The following S100A9 variants were observed in gnomAD, a reference collection of about 807,000 sequenced individuals.
S100A9 encodes the protein S100 calcium binding protein A9.
In S100A9, 2 loss-of-function variants were observed where a neutral mutation model predicts 4.3. The observed-to-expected ratio is 0.47, with a 90% CI of 0.19 to 1.48. The LOEUF is 1.48. S100A9 is among the 40% of genes most tolerant of loss of function. The pLI, the probability that S100A9 is intolerant of heterozygous loss-of-function variation, is 0.24. For missense variants in S100A9, 130 were observed against 144.4 expected, an observed-to-expected ratio of 0.90 and a Z score of 0.51; for synonymous variants, 67 against 54.0, an observed-to-expected ratio of 1.24 and a Z score of -1.06.
At position 153,358,307 on chromosome 1, in the gene S100A9, G is replaced by A. The variant is rs969877652; in HGVS notation, c.24G>A (p.Leu8=). The change falls in exon 2 of 3, where the codon CTG becomes CTA. Residue 8 remains leucine (L), a synonymous_variant. Coordinates refer to ENST00000368738, the MANE Select transcript of S100A9 (RefSeq NM_002965.4). Reference sequence around the variant, plus strand: ...CGATGACTTGCAAAATGTCGCAGCTGGAACGCAACATAGAGACCATCATCA... The same window carrying A: ...CGATGACTTGCAAAATGTCGCAGCTAGAACGCAACATAGAGACCATCATCA... MTCKMSQ[L]ERNIETIINT... is the part of the protein sequence containing the mutation. 8 of 1,603,234 alleles carry A rather than the reference G, an allele frequency of 5.0e-6. No individual in the cohort carries two copies. The Admixed American group carries it at 5.1e-5, about 10-fold the overall frequency.
At position 153,358,490 on chromosome 1, in the gene S100A9, G is replaced by A. The variant is rs1571153431; in HGVS notation, c.150+57G>A. The A allele has an allele frequency of 8.0e-6, 11 of 1,380,420 alleles. No individual in the cohort carries two copies. The East Asian group carries it at 1.5e-4, about 19-fold the overall frequency. The allele number at this position is 1,380,420 out of a possible 1,614,324, so 85.5% of individuals were successfully genotyped here. ...CCTCACCGCAGTTTGGGTTGACAAG[G>A]GAGGATGGGAGTATGGGCTACAGCA... On this transcript the variant is annotated intron_variant, in intron 2 of 2. Transcript: ENST00000368738.
intron 2 of S100A9, 38 bp downstream of exon 2, chr1:153,358,471 C>A (rs1436789685): frequency 6.6e-7 from 1 of 1,515,320 alleles, no homozygotes. Context: ...CCAGCCTCAC[C>A]GCAGTTTGGG....
intron 2 of S100A9, among the ~76,000 whole-genome samples, chr1:153,360,090 T>C (rs917126483): frequency 6.6e-6 from 1 of 152,098 alleles, no homozygotes; most frequent in Non-Finnish European, 1.5e-5. Flanking sequence ...TTTCTAGGTG[T>C]TTCCCCGTTG....
chr1:153,360,346 A>G (rs1027598787), intron 2 of S100A9, among the ~76,000 whole-genome samples: 33 of 152,126 alleles, frequency 2.2e-4, no homozygotes, highest in African/African-American at 7.7e-4. Context: ...ATGAGGTGAC[A>G]TTTCCAGGCT....
intron 1 of S100A9, 147 bp downstream of exon 1, chr1:153,358,028 G>T: frequency 3.3e-6 from 1 of 303,960 alleles, no homozygotes; most frequent in Non-Finnish European, 6.1e-6. Flanking sequence ...CATTTTCTTA[G>T]GTCATGTTCC....
chr1:153,358,013 T>C, intron 1 of S100A9, 132 bp downstream of exon 1: 1 of 267,144 alleles, frequency 3.7e-6, no homozygotes. Flanking sequence ...TTAAAGCTTC[T>C]TTCACATTTT....
At chr1:153,359,486 C>T (rs943053759) in intron 2 of S100A9, among the ~76,000 whole-genome samples, 2 of 151,940 alleles carry the variant, frequency 1.3e-5, no homozygotes, top group African/African-American at 4.8e-5. Flanking sequence ...AGAAGCAAAG[C>T]GATGCTGTGG....
chr1:153,360,087 G>A (rs951422550), intron 2 of S100A9, among the ~76,000 whole-genome samples: 2 of 152,064 alleles, frequency 1.3e-5, no homozygotes, highest in African/African-American at 2.4e-5. Context: ...GTTTTTCTAG[G>A]TGTTTCCCCG....
chr1:153,359,576 G>A (rs1411797631), intron 2 of S100A9, among the ~76,000 whole-genome samples: 1 of 152,000 alleles, frequency 6.6e-6, no homozygotes, highest in South Asian at 2.1e-4. Flanking sequence ...TCTGGGAGGG[G>A]ACTTAGCGAG....
At position 153,360,496 on chromosome 1, in the gene S100A9, C is replaced by T. The variant is rs1248293930; in HGVS notation, c.151-148C>T. 7.6e-5 allele frequency: 45 copies of T among 591,108 alleles called. No homozygotes were observed. In the East Asian group the frequency reaches 8.0e-4, roughly 11 times the overall value. 36.6% of individuals were successfully genotyped at this position (591,108 alleles called of 1,614,324 possible). On this transcript the variant is annotated intron_variant, in intron 2 of 2. Transcript: ENST00000368738. ...TGTGCTCAGTGTCTGCTCCATTGTG[C>T]GCACTCAGCCTATGGTCATTTTTAA...
chr1:153,359,073 G>T (rs1661398828), intron 2 of S100A9, among the ~76,000 whole-genome samples: 1 of 152,156 alleles, frequency 6.6e-6, no homozygotes, highest in African/African-American at 2.4e-5. Context: ...GAACTGGGAG[G>T]TTTTTCCCCC....
At position 153,360,639 on chromosome 1, in the gene S100A9, C is replaced by A. The variant is rs140163350; in HGVS notation, c.151-5C>A. The A allele has an allele frequency of 1.9e-6, 3 of 1,595,404 alleles. No homozygotes were observed. The highest frequency in any genetic ancestry group is 2.6e-6 in the Non-Finnish European group (3 of 1,166,816). The stretch of plus-strand genomic sequence containing the variant: ...GCTCTCACAGCCTTCTCTCCCCACC[C>A]GCAGAAGGAGAATAAGAATGAAAAG... On this transcript the variant is annotated splice_polypyrimidine_tract_variant and splice_region_variant and intron_variant, in intron 2 of 2. Coordinates refer to ENST00000368738, the MANE Select transcript of S100A9 (RefSeq NM_002965.4).
rs1373714542 is a variant in S100A9, at chr1:153,360,715, G to C, written c.222G>C (p.Leu74=). The C allele has an allele frequency of 6.2e-7, 1 of 1,614,070 alleles. No homozygotes were observed. Among genetic ancestry groups the C allele is most frequent in the Non-Finnish European group, 8.5e-7 (1 of 1,179,902 alleles). The change falls in exon 3 of 3, where the codon CTG becomes CTC. Residue 74 remains leucine (L), a synonymous_variant. Coordinates refer to ENST00000368738, the MANE Select transcript of S100A9 (RefSeq NM_002965.4). ...TGGACACAAATGCAGACAAGCAGCT[G>C]AGCTTCGAGGAGTTCATCATGCTGA... ...EDLDTNADKQ[L]SFEEFIMLMA...
Position 153,358,522 on chromosome 1 carries a change from G to A in S100A9, c.150+89G>A, listed in dbSNP as rs1661389231. 5.4e-6 allele frequency: 6 copies of A among 1,106,362 alleles called. No homozygotes were observed. In the South Asian group the frequency reaches 7.2e-5, roughly 13 times the overall value. The allele number at this position is 1,106,362 out of a possible 1,614,324, so 68.5% of individuals were successfully genotyped here. A position where few individuals can be genotyped will look rare whatever the true frequency, so the allele number is the denominator to read the frequency against. On this transcript the variant is annotated intron_variant, in intron 2 of 2. Coordinates refer to ENST00000368738, the MANE Select transcript of S100A9 (RefSeq NM_002965.4). ...GGGAGTATGGGCTACAGCAATCAAG[G>A]GGAAGATTTGAGCTCCTGGAGCCCA... is the stretch of plus-strand genomic sequence containing the variant.
chr1:153,359,438 C>T (rs1026133328), intron 2 of S100A9, among the ~76,000 whole-genome samples: 20 of 152,220 alleles, frequency 1.3e-4, no homozygotes, highest in African/African-American at 4.8e-4. Flanking sequence ...CATGTGACCC[C>T]CTATGCCCGC....
In S100A9 at chr1:153,360,932, C is replaced by T. The variant is rs1571154731; in HGVS notation, c.*94C>T. 1.3e-5 allele frequency: 13 copies of T among 984,122 alleles called. No individual in the cohort carries two copies. The East Asian group carries it at 3.3e-4, about 25-fold the overall frequency. 61.0% of individuals were successfully genotyped at this position (984,122 alleles called of 1,614,324 possible). On this transcript the variant is annotated 3_prime_UTR_variant, in exon 3 of 3. Coordinates refer to ENST00000368738, the MANE Select transcript of S100A9 (RefSeq NM_002965.4). ...CTAATCAGGAGGCCAGGCCACCCTG[C>T]CTCTACCCAACCAGGGCCCCGGGGC...
Position 153,360,790 on chromosome 1 carries a change from G to A in S100A9, c.297G>A (p.Glu99=), listed in dbSNP as rs148444840. The A allele has an allele frequency of 1.9e-6, 3 of 1,613,724 alleles. No individual in the cohort carries two copies. Among genetic ancestry groups the A allele is most frequent in the Admixed American group, 1.7e-5 (1 of 59,944 alleles). Residue 99 remains glutamate (E), a synonymous_variant, in exon 3 of 3, where the codon GAG becomes GAA. Transcript: ENST00000368738. ...ASHEKMHEGD[E]GPGHHHKPGL... ...ACGAGAAGATGCACGAGGGTGACGA[G>A]GGCCCTGGCCACCACCATAAGCCAG...
rs1661441965 is a variant in S100A9 at position 153,360,990 on chromosome 1, A to G, written c.*152A>G. On this transcript the variant is annotated 3_prime_UTR_variant, in exon 3 of 3. Coordinates refer to ENST00000368738, the MANE Select transcript of S100A9 (RefSeq NM_002965.4). The stretch of plus-strand genomic sequence containing the variant: ...GTCAAACTGTCTTGGCTGTGGGGCT[A>G]GGGGCTGGGGCCAAATAAAGTCTCT... 3.2e-6 allele frequency: 2 copies of G among 618,582 alleles called. No homozygotes were observed. The highest frequency in any genetic ancestry group is 5.7e-6 in the Non-Finnish European group (2 of 352,254). The allele number at this position is 618,582 out of a possible 1,614,324, so 38.3% of individuals were successfully genotyped here. A position where few individuals can be genotyped will look rare whatever the true frequency, so the allele number is the denominator to read the frequency against.
chr1:153,359,947 C>A (rs1661417801), intron 2 of S100A9, among the ~76,000 whole-genome samples: 1 of 152,024 alleles, frequency 6.6e-6, no homozygotes, highest in African/African-American at 2.4e-5. Flanking sequence ...CCTCGGCCTC[C>A]CAAAGTGCTG....
Sources: gnomAD v4.1 joint callset for allele counts (sites outside exome capture counted in the v4.1 genomes callset) on GRCh38, gnomAD v4.1.1 for gene constraint, MANE v1.5 for transcripts, NCBI Gene and HGNC (gene_info 2026-07-23, HGNC 2026-07-21) for gene names.